SOX5: variants seen among roughly 807,000 people sequenced by gnomAD.
SOX5 encodes transcription factor SOX-5.
In SOX5, 9 loss-of-function variants were observed where a neutral mutation model predicts 92.0. That is an observed-to-expected ratio of 0.10 (90% confidence interval 0.06 to 0.17). SOX5 has a LOEUF of 0.17. Among genes scored for constraint, SOX5 ranks in the 10% least tolerant of loss-of-function variants. SOX5 has a pLI of 1.00. For synonymous variants in SOX5, 344 were observed against 336.3 expected (o/e 1.02, Z -0.25); for missense variants, 642 against 944.5 (o/e 0.68, Z 4.20).
intron 1 of SOX5, among the ~76,000 whole-genome samples, chr12:24,526,487 C>T (rs116979072): frequency 0.017 from 2,566 of 152,180 alleles, 25 homozygotes; most frequent in Non-Finnish European, 0.028. Flanking sequence ...CAGGTGGGTG[C>T]GCAGGTGTGA....
At chr12:24,384,334 C>T (rs1299897597) in intron 1 of SOX5, among the ~76,000 whole-genome samples, 1 of 152,166 alleles carries the variant, frequency 6.6e-6, no homozygotes, top group African/African-American at 2.4e-5. Flanking sequence ...TGCTGGCTCA[C>T]CTGCTGCTCG....
chr12:23,696,472 T>C (rs2089883064), intron 6 of SOX5, among the ~76,000 whole-genome samples: 1 of 152,174 alleles, frequency 6.6e-6, no homozygotes, highest in Non-Finnish European at 1.5e-5. Flanking sequence ...CTTTTTCTCA[T>C]TTCTACAATT....
intron 1 of SOX5, among the ~76,000 whole-genome samples, chr12:23,900,427 A>G (rs1342594278): frequency 6.6e-6 from 1 of 152,176 alleles, no homozygotes; most frequent in Non-Finnish European, 1.5e-5. Context: ...CAATGTGTTC[A>G]GACATGGATG....
At chr12:23,869,447 T>C (rs977153912) in intron 2 of SOX5, among the ~76,000 whole-genome samples, 1 of 152,120 alleles carries the variant, frequency 6.6e-6, no homozygotes, top group Non-Finnish European at 1.5e-5. Flanking sequence ...TTTGCTTAAA[T>C]ATCTTAGTTT....
chr12:23,642,839 G>A (rs2080265997), intron 7 of SOX5, among the ~76,000 whole-genome samples: 1 of 111,264 alleles, frequency 9.0e-6, no homozygotes, highest in Admixed American at 8.0e-5. Context: ...TGTAATCCCA[G>A]CACTTTGGGA....
intron 9 of SOX5, among the ~76,000 whole-genome samples, chr12:23,578,238 C>A (rs1949549092): frequency 6.9e-6 from 1 of 144,234 alleles, no homozygotes; most frequent in Non-Finnish European, 1.5e-5. Context: ...TAATTGGCAG[C>A]AATATGGAAG....
At chr12:23,775,679 C>A (rs1309332137) in intron 3 of SOX5, among the ~76,000 whole-genome samples, 2 of 152,220 alleles carry the variant, frequency 1.3e-5, no homozygotes, top group African/African-American at 4.8e-5. Context: ...TACTGTTCAA[C>A]TGATCATCCA....
intron 4 of SOX5, among the ~76,000 whole-genome samples, chr12:24,007,046 C>A (rs1592264511): frequency 6.7e-6 from 1 of 148,300 alleles, no homozygotes; most frequent in Admixed American, 6.9e-5. Context: ...GGCAGGAGAA[C>A]CACTTGAACC....
intron 2 of SOX5, among the ~76,000 whole-genome samples, chr12:23,881,950 G>A (rs2096996465): frequency 6.6e-6 from 1 of 152,032 alleles, no homozygotes; most frequent in Non-Finnish European, 1.5e-5. Flanking sequence ...GAAGAGGGAA[G>A]AATTTATATG....
chr12:24,074,630 C>CAAAAAAAAAAATAAAAA (rs1942271107), intron 4 of SOX5, among the ~76,000 whole-genome samples: 1 of 51,274 alleles, frequency 2.0e-5, no homozygotes, highest in African/African-American at 7.5e-5. Flanking sequence ...TGTAAACTAC[C>CAAAAAAAAAAATAAAAA]AAAAAAAAAA....
At chr12:24,463,971 A>C (rs1200644338) in intron 1 of SOX5, among the ~76,000 whole-genome samples, 1 of 152,216 alleles carries the variant, frequency 6.6e-6, no homozygotes, top group Non-Finnish European at 1.5e-5. Flanking sequence ...TAGCAAAATA[A>C]ACAAAATTTT....
intron 2 of SOX5, among the ~76,000 whole-genome samples, chr12:24,346,934 G>C (rs529586991): frequency 8.5e-5 from 13 of 152,210 alleles, no homozygotes; most frequent in Admixed American, 2.6e-4. Context: ...TGTAAATGAC[G>C]AGTTAATGGG....
At chr12:24,536,100 C>CT (rs1951618205) in intron 1 of SOX5, among the ~76,000 whole-genome samples, 1 of 152,146 alleles carries the variant, frequency 6.6e-6, no homozygotes, top group African/African-American at 2.4e-5. Context: ...ACTGTTAACC[C>CT]TTGGAAGATA....
At chr12:24,119,961 G>A (rs933308135) in intron 4 of SOX5, among the ~76,000 whole-genome samples, 1 of 152,152 alleles carries the variant, frequency 6.6e-6, no homozygotes, top group East Asian at 1.9e-4. Flanking sequence ...CACTCATTGC[G>A]ATGGTTGTTA....
chr12:23,964,283 T>C (rs2140055051), intron 4 of SOX5, among the ~76,000 whole-genome samples: 1 of 152,288 alleles, frequency 6.6e-6, no homozygotes, highest in East Asian at 1.9e-4. Context: ...TTTCCCTGTA[T>C]CTATTATTTT....
intron 6 of SOX5, among the ~76,000 whole-genome samples, chr12:23,724,745 G>T (rs12315347): frequency 0.017 from 2,622 of 152,232 alleles, 96 homozygotes; most frequent in African/African-American, 0.06. Context: ...TGAAGTAAAG[G>T]TCTAAATTAT....
intron 2 of SOX5, among the ~76,000 whole-genome samples, chr12:24,313,882 C>G (rs1315519399): frequency 6.6e-6 from 1 of 152,052 alleles, no homozygotes; most frequent in Admixed American, 6.6e-5. Context: ...TATTCTTTAC[C>G]CTCAAACCTT....
At chr12:23,668,033 T>G (rs1301495050) in intron 6 of SOX5, among the ~76,000 whole-genome samples, 3 of 152,184 alleles carry the variant, frequency 2.0e-5, no homozygotes, top group Non-Finnish European at 4.4e-5. Flanking sequence ...AGGTAACAAT[T>G]TTGTTGGTAA....
chr12:23,864,021 G>A (rs1449137053), intron 2 of SOX5, among the ~76,000 whole-genome samples: 2 of 151,328 alleles, frequency 1.3e-5, no homozygotes, highest in African/African-American at 4.9e-5. Context: ...TGTGGCAACT[G>A]TGCATTAAGC....
Sources: allele counts gnomAD v4.1 joint callset (sites outside exome capture counted in the v4.1 genomes callset), GRCh38; gene constraint gnomAD v4.1.1; transcripts MANE v1.5; gene names NCBI Gene and HGNC (gene_info 2026-07-23, HGNC 2026-07-21).